NFYC: variants seen among roughly 807,000 people sequenced by gnomAD.
The protein encoded by NFYC is nuclear transcription factor Y subunit gamma, also known as CAAT box DNA-binding protein subunit C.
In NFYC, 25 loss-of-function variants were observed where a neutral mutation model predicts 53.1. The ratio of observed to expected loss-of-function variants is 0.47; its 90% CI spans 0.34 to 0.66. The LOEUF (loss-of-function observed/expected upper bound fraction) is 0.66, where lower values mean the gene tolerates loss of function less well. NFYC is among the 30% of genes least tolerant of loss of function. The pLI is 0.01. For synonymous variants in NFYC, 145 were observed against 152.6 expected, an observed-to-expected ratio of 0.95 and a Z score of 0.37; for missense variants, 260 against 422.7, an observed-to-expected ratio of 0.62 and a Z score of 3.38.
At chr1:40,698,371 A>G (rs1321292680) in intron 1 of NFYC, among the ~76,000 whole-genome samples, 2 of 151,922 alleles carry the variant, frequency 1.3e-5, no homozygotes, top group African/African-American at 4.8e-5. Context: ...TTGAAAAAAA[A>G]AAAAAAATTC....
At chr1:40,693,614 C>T (rs889212175) in intron 1 of NFYC, among the ~76,000 whole-genome samples, 1 of 152,144 alleles carries the variant, frequency 6.6e-6, no homozygotes, top group Non-Finnish European at 1.5e-5. Flanking sequence ...GCATTATCGT[C>T]CCCATATTGC....
At chr1:40,762,468 C>A (rs1646596390) in intron 6 of NFYC, among the ~76,000 whole-genome samples, 1 of 152,208 alleles carries the variant, frequency 6.6e-6, no homozygotes, top group Non-Finnish European at 1.5e-5. Context: ...TAAATAAATT[C>A]ATACTGACCC....
At chr1:40,697,173 G>A (rs1036305587) in intron 1 of NFYC, among the ~76,000 whole-genome samples, 2 of 152,174 alleles carry the variant, frequency 1.3e-5, no homozygotes, top group African/African-American at 2.4e-5. Flanking sequence ...ATATAATAGC[G>A]TGTGGTAGAT....
chr1:40,696,038 T>TG (rs1248653121), intron 1 of NFYC, among the ~76,000 whole-genome samples: 1 of 150,766 alleles, frequency 6.6e-6, no homozygotes, highest in African/African-American at 2.4e-5. Context: ...TTTTTTTTTT[T>TG]TTGAGATAGA....
At chr1:40,729,478 G>A (rs562665929) in intron 1 of NFYC, among the ~76,000 whole-genome samples, 102 of 152,294 alleles carry the variant, frequency 6.7e-4, no homozygotes, top group Non-Finnish European at 1.2e-3. Flanking sequence ...TTAGGCTTTG[G>A]CTTAAAGGAA....
intron 1 of NFYC, among the ~76,000 whole-genome samples, chr1:40,703,472 A>G (rs1367898345): frequency 2.0e-5 from 3 of 151,158 alleles, no homozygotes; most frequent in Admixed American, 6.6e-5. Context: ...AGCCTGGGCA[A>G]TTAGCCCTAA....
intron 2 of NFYC, among the ~76,000 whole-genome samples, chr1:40,743,147 G>A (rs1645439960): frequency 6.6e-6 from 1 of 152,178 alleles, no homozygotes; most frequent in Non-Finnish European, 1.5e-5. Flanking sequence ...TATATTTCAT[G>A]ATGTGTTGGA....
At chr1:40,748,924 GCTT>G (rs1274473667) in intron 3 of NFYC, among the ~76,000 whole-genome samples, 1 of 152,172 alleles carries the variant, frequency 6.6e-6, no homozygotes, top group Non-Finnish European at 1.5e-5. Flanking sequence ...CCCATCTGCT[GCTT>G]CTTTAACTCC....
intron 1 of NFYC, among the ~76,000 whole-genome samples, chr1:40,706,526 T>C (rs1286989175): frequency 6.6e-6 from 1 of 152,128 alleles, no homozygotes; most frequent in African/African-American, 2.4e-5. Flanking sequence ...AAAGAGCTCG[T>C]CTACCTAGCA....
chr1:40,714,258 T>A (rs1424010658), intron 1 of NFYC, among the ~76,000 whole-genome samples: 1 of 152,206 alleles, frequency 6.6e-6, no homozygotes, highest in Non-Finnish European at 1.5e-5. Context: ...TTTTAAGCAT[T>A]TGACAAGACT....
chr1:40,714,936 C>T lies in NFYC; in HGVS notation c.-9+23069C>T, dbSNP rs190912928. Among the ~76,000 whole-genome samples the T allele has an allele frequency of 5.9e-4, 89 of 151,730 alleles. 2 individuals carry two copies. In the East Asian group the frequency reaches 0.01, roughly 18 times the overall value. Reference sequence around the variant, plus strand: ...TCTACTAAAAATACAAAAAATTAGCCGGGTGTGGTGGCGGGCGCCTGTAGT... The same window carrying T: ...TCTACTAAAAATACAAAAAATTAGCTGGGTGTGGTGGCGGGCGCCTGTAGT... On this transcript the variant is annotated intron_variant, in intron 1 of 9. Coordinates refer to ENST00000447388, the MANE Select transcript of NFYC (RefSeq NM_014223.5).
chr1:40,731,645 C>T (rs1644778427), intron 1 of NFYC, among the ~76,000 whole-genome samples: 1 of 151,878 alleles, frequency 6.6e-6, no homozygotes, highest in Non-Finnish European at 1.5e-5. Flanking sequence ...CCACCACACC[C>T]AGCTAATTTT....
rs1645807095 is a variant in NFYC, at chr1:40,749,748, G to A, written c.291+62G>A. On this transcript the variant is annotated intron_variant, in intron 4 of 9. Transcript: ENST00000447388. ...AGCAGCAGCCTTTGCCTGTTTTCCT[G>A]CGTGGTGTTGGAGAAAGATTGTTCT... The A allele has an allele frequency of 3.0e-6, 4 of 1,329,564 alleles. No individual in the cohort carries two copies. The Admixed American group carries it at 6.8e-5, about 22-fold the overall frequency. 82.4% of individuals were successfully genotyped at this position (1,329,564 alleles called of 1,614,324 possible). A position where few individuals can be genotyped will look rare whatever the true frequency, so the allele number is the denominator to read the frequency against.
intron 6 of NFYC, among the ~76,000 whole-genome samples, chr1:40,761,145 C>T (rs1041638857): frequency 6.6e-5 from 10 of 152,190 alleles, no homozygotes; most frequent in Admixed American, 3.3e-4. Flanking sequence ...GAAATCCTCT[C>T]GGGAAAATTG....
intron 7 of NFYC, among the ~76,000 whole-genome samples, chr1:40,765,882 AT>A (rs1204299672): frequency 6.6e-6 from 1 of 152,202 alleles, no homozygotes; most frequent in Non-Finnish European, 1.5e-5. Context: ...GTATTATTGT[AT>A]TATCTGAGAT....
intron 1 of NFYC, 95 bp downstream of exon 1, chr1:40,691,962 T>G (rs1056951062): frequency 3.2e-6 from 1 of 311,532 alleles, no homozygotes; most frequent in Admixed American, 4.8e-5. Flanking sequence ...AGACCTCACT[T>G]CCTCGCGCGG....
intron 1 of NFYC, among the ~76,000 whole-genome samples, chr1:40,692,877 G>C (rs1013839103): frequency 6.6e-6 from 1 of 152,182 alleles, no homozygotes; most frequent in Non-Finnish European, 1.5e-5. Flanking sequence ...TAATAGAACA[G>C]TTATACATTA....
Position 40,704,319 on chromosome 1 carries a change from C to T in NFYC, c.-9+12452C>T, listed in dbSNP as rs7522671. 1.2e-4 allele frequency among the ~76,000 whole-genome samples: 18 copies of T among 152,100 alleles called. 1 individual carries two copies. The South Asian group carries it at 2.1e-3, about 18-fold the overall frequency. On this transcript the variant is annotated intron_variant, in intron 1 of 9. Coordinates refer to ENST00000447388, the MANE Select transcript of NFYC (RefSeq NM_014223.5). The stretch of plus-strand genomic sequence containing the variant: ...ATCTCCTGAATTCGTGATCTGCCCC[C>T]CTCAGCCTCCCAAAGTGCTGGTATT...
chr1:40,742,492 C>G (rs936472010), intron 2 of NFYC, among the ~76,000 whole-genome samples: 1 of 152,154 alleles, frequency 6.6e-6, no homozygotes, highest in African/African-American at 2.4e-5. Flanking sequence ...AAGAGAATTA[C>G]TTTGAGGGAT....
Sources: allele counts gnomAD v4.1 joint callset (sites outside exome capture counted in the v4.1 genomes callset), GRCh38; gene constraint gnomAD v4.1.1; transcripts MANE v1.5; gene names NCBI Gene and HGNC (gene_info 2026-07-23, HGNC 2026-07-21).